DNMT3L: variants seen among roughly 807,000 people sequenced by gnomAD.
DNMT3L encodes DNA methyltransferase 3 like.
Under a neutral mutation model 36.2 loss-of-function variants are expected in DNMT3L, and 33 were observed. The observed-to-expected ratio is 0.91, with a 90% confidence interval of 0.69 to 1.22. The LOEUF is 1.22. Among genes scored for constraint, DNMT3L ranks in the 50% most tolerant of loss-of-function variants. The probability of loss-of-function intolerance (pLI) is 0.00; values close to 1 mark genes in which losing one functional copy is unlikely to be tolerated. For missense variants in DNMT3L, 310 were observed against 303.1 expected, an observed-to-expected ratio of 1.02 and a Z score of -0.17; for synonymous variants, 117 against 121.7, an observed-to-expected ratio of 0.96 and a Z score of 0.26.
rs1244693024 is a variant in DNMT3L, at chr21:44,259,748, G to A, written c.152-37C>T. ...ATTCAAAGCACACTGTGTTTTCCCA[G>A]TGCTGTCAAATACAGCAGACGATTA... On this transcript the variant is annotated intron_variant, in intron 3 of 11. Transcript: ENST00000628202. 3.2e-6 allele frequency: 5 copies of A among 1,584,102 alleles called. No individual in the cohort carries two copies. The Admixed American group carries it at 5.3e-5, about 17-fold the overall frequency.
chr21:44,259,119 G>A (rs938582685), intron 5 of DNMT3L, among the ~76,000 whole-genome samples: 6 of 152,072 alleles, frequency 3.9e-5, no homozygotes, highest in East Asian at 1.9e-4. Context: ...AGGCGAGGGA[G>A]TAACGACTGA....
At chr21:44,254,231 G>T (rs143524542) in intron 8 of DNMT3L, among the ~76,000 whole-genome samples, 100 of 152,334 alleles carry the variant, frequency 6.6e-4, no homozygotes, top group Non-Finnish European at 8.2e-4. Context: ...AGGGTGGAGT[G>T]GGGGTTCAGC....
Position 44,258,471 on chromosome 21 carries a change from C to A in DNMT3L, c.516+52G>T. The stretch of plus-strand genomic sequence containing the variant: ...TCTGCAGCGGGAACCGAGGGAAGGC[C>A]GTAAGTCAGGGCCTGCTGCTGCCGG... On this transcript the variant is annotated intron_variant, in intron 6 of 11. Transcript: ENST00000628202. This position sits in a 1 kb window ranked among gnomAD's most constrained non-coding sequence, Gnocchi z 6.2. The A allele has an allele frequency of 6.7e-7, 1 of 1,495,048 alleles. No individual in the cohort carries two copies. Among genetic ancestry groups the A allele is most frequent in the Non-Finnish European group, 9.0e-7 (1 of 1,116,560 alleles). The allele number at this position is 1,495,048 out of a possible 1,614,324, so 92.6% of individuals were successfully genotyped here. A position where few individuals can be genotyped will look rare whatever the true frequency, so the allele number is the denominator to read the frequency against.
rs1377463723 is a variant in DNMT3L at position 44,260,784 on chromosome 21, C to T, written c.151+11G>A. The T allele has an allele frequency of 6.2e-7, 1 of 1,613,136 alleles. No individual in the cohort carries two copies. Among genetic ancestry groups the T allele is most frequent in the East Asian group, 2.2e-5 (1 of 44,878 alleles). Reference sequence around the variant, plus strand: ...CTTTTGTCTGGTGTGGGCCAGTATGCAAACACTCACCTTCTATATTTCGCT... The same window carrying T: ...CTTTTGTCTGGTGTGGGCCAGTATGTAAACACTCACCTTCTATATTTCGCT... On this transcript the variant is annotated intron_variant, in intron 3 of 11. Transcript: ENST00000628202.
Position 44,256,066 on chromosome 21 carries a change from C to T in DNMT3L, c.604+1G>A, listed in dbSNP as rs1002113451. Reference sequence around the variant, plus strand: ...GTGTCTTTGGGACATCACTGACTCACCTTTCTTGATGTCTTCAAAAAGGGA... The same window carrying T: ...GTGTCTTTGGGACATCACTGACTCATCTTTCTTGATGTCTTCAAAAAGGGA... On this transcript the variant is annotated splice_donor_variant, in intron 7 of 11. Transcript: ENST00000628202. LOFTEE classifies it high-confidence loss of function. The T allele has an allele frequency of 9.9e-6, 16 of 1,613,736 alleles. No individual in the cohort carries two copies. The highest frequency in any genetic ancestry group is 1.1e-5 in the Non-Finnish European group (13 of 1,179,968).
chr21:44,253,964 C>G (rs1009476195), intron 8 of DNMT3L, among the ~76,000 whole-genome samples: 1 of 152,046 alleles, frequency 6.6e-6, no homozygotes, highest in African/African-American at 2.4e-5. Context: ...CTCCGAGTGC[C>G]GAAAAGGCAT....
intron 1 of DNMT3L, 51 bp from the exon 2 acceptor site, chr21:44,261,317 C>A: frequency 6.4e-7 from 1 of 1,556,822 alleles, no homozygotes; most frequent in South Asian, 1.1e-5. Flanking sequence ...AGCCCCTGCT[C>A]AGATCCCTGA....
At chr21:44,259,848 A>C in intron 3 of DNMT3L, 137 bp from the exon 4 acceptor site, 1 of 907,454 alleles carries the variant, frequency 1.1e-6, no homozygotes, top group Non-Finnish European at 1.7e-6. Flanking sequence ...ATGTTAAGGA[A>C]GATGGAACAA....
At position 44,258,665 on chromosome 21, in the gene DNMT3L, A is replaced by G; in HGVS notation, c.374T>C (p.Leu125Pro). 6.2e-7 allele frequency: 1 copy of G among 1,612,916 alleles called. No homozygotes were observed. The highest frequency in any genetic ancestry group is 8.5e-7 in the Non-Finnish European group (1 of 1,179,978). The change falls in exon 6 of 12, where the codon CTG becomes CCG. Residue 125 changes from leucine to proline, a missense_variant. Transcript: ENST00000628202. The surrounding 1 kb of genome is among the most constrained non-coding windows in gnomAD (Gnocchi z 6.2). ...RCYCFECVDSLVGPGTSGKVH... is the reference protein window; with the variant it reads ...RCYCFECVDSPVGPGTSGKVH... ...CTTCCCCGAGGTCCCGGGGCCGACC[A>G]GGCTATCCACACACTCGAAGCAGTA...
intron 7 of DNMT3L, 66 bp downstream of exon 7, chr21:44,256,001 C>A: frequency 1.3e-6 from 2 of 1,561,984 alleles, no homozygotes; most frequent in Non-Finnish European, 1.8e-6. Context: ...CGGGGGGTGG[C>A]CTGAGGGGCA....
chr21:44,259,753 G>C, intron 3 of DNMT3L, 42 bp from the exon 4 acceptor site: 1 of 1,570,204 alleles, frequency 6.4e-7, no homozygotes, highest in Non-Finnish European at 8.7e-7. Context: ...TCCCAGTGCT[G>C]TCAAATACAG....
At chr21:44,256,511 G>A (rs900670230) in intron 6 of DNMT3L, among the ~76,000 whole-genome samples, 3 of 143,410 alleles carry the variant, frequency 2.1e-5, no homozygotes, top group East Asian at 2.2e-4. Flanking sequence ...GCAACTTTCC[G>A]CCTCCCGGGT....
intron 7 of DNMT3L, among the ~76,000 whole-genome samples, chr21:44,254,969 G>T (rs1348271953): frequency 2.0e-5 from 3 of 152,118 alleles, no homozygotes; most frequent in Non-Finnish European, 4.4e-5. Flanking sequence ...GGGACTACAG[G>T]CATGTGCCAC....
intron 7 of DNMT3L, among the ~76,000 whole-genome samples, chr21:44,255,624 G>A (rs2040251427): frequency 6.6e-6 from 1 of 152,196 alleles, no homozygotes; most frequent in African/African-American, 2.4e-5. Context: ...CAGCTGGTGT[G>A]AGCTGCAGAG....
chr21:44,260,291 A>C (rs569893379), intron 3 of DNMT3L, among the ~76,000 whole-genome samples: 81 of 152,316 alleles, frequency 5.3e-4, no homozygotes, highest in African/African-American at 1.9e-3. Flanking sequence ...ATTTGGAGTG[A>C]CTGTTACTAG....
chr21:44,256,347 C>A (rs75546846), intron 6 of DNMT3L, among the ~76,000 whole-genome samples, 193 bp from the exon 7 acceptor site: 3,320 of 151,914 alleles, frequency 0.022, 98 homozygotes, highest in African/African-American at 0.063. Flanking sequence ...AACTCCACCC[C>A]CTGCTCCAGC....
chr21:44,254,795 C>T (rs2040244759), intron 7 of DNMT3L, 90 bp from the exon 8 acceptor site: 1 of 1,298,378 alleles, frequency 7.7e-7, no homozygotes, highest in South Asian at 1.3e-5. Context: ...GATCAGAGGA[C>T]CCTCCTACCA....
At position 44,254,677 on chromosome 21, in the gene DNMT3L, A is replaced by G. The variant is rs2040243721; in HGVS notation, c.633T>C (p.Ser211=). The change falls in exon 8 of 12, where the codon AGT becomes AGC. Residue 211 remains serine, a synonymous_variant. Coordinates refer to ENST00000628202, the MANE Select transcript of DNMT3L (RefSeq NM_175867.3). The part of the protein sequence containing the change: ...KELTSLGFLE[S]GSDPGQLKHV... ...GCTTCAGTTGTCCCGGGTCAGAACC[A>G]CTTTCCAAAAAGCCCAAACTCGTCA... 3.1e-6 allele frequency: 5 copies of G among 1,613,832 alleles called. No individual in the cohort carries two copies. Among genetic ancestry groups the G allele is most frequent in the East Asian group, 4.5e-5 (2 of 44,886 alleles).
In DNMT3L at chr21:44,256,083, A is replaced by C; in HGVS notation, c.588T>G (p.Phe196Leu). ...RRQPVRVLSLFEDIKKELTSL... is the reference protein window; with the variant it reads ...RRQPVRVLSLLEDIKKELTSL... ...CTGACTCACCTTTCTTGATGTCTTC[A>C]AAAAGGGACAGCACCCGGACTGGCT... The change falls in exon 7 of 12, where the codon TTT becomes TTG. Residue 196 changes from phenylalanine to leucine, a missense_variant. Transcript: ENST00000628202. The C allele has an allele frequency of 6.2e-7, 1 of 1,613,938 alleles. No homozygotes were observed. Among genetic ancestry groups the C allele is most frequent in the Non-Finnish European group, 8.5e-7 (1 of 1,179,990 alleles).
Sources: gnomAD v4.1 joint callset for allele counts (sites outside exome capture counted in the v4.1 genomes callset) on GRCh38, gnomAD v4.1.1 for gene constraint, Gnocchi (gnomAD v3.1) non-coding constraint, MANE v1.5 for transcripts, NCBI Gene and HGNC (gene_info 2026-07-23, HGNC 2026-07-21) for gene names.